GNPTAB: variants seen among roughly 807,000 people sequenced by gnomAD.
GNPTAB encodes N-acetylglucosamine-1-phosphotransferase subunits alpha/beta.
Under a neutral mutation model 136.6 loss-of-function variants are expected in GNPTAB, and 92 were observed. The ratio of observed to expected loss-of-function variants is 0.67; its 90% CI spans 0.57 to 0.80. The LOEUF is 0.80. Among genes scored for constraint, GNPTAB ranks in the 30% least tolerant of loss-of-function variants. The probability of loss-of-function intolerance (pLI) is 0.00; values close to 1 mark genes in which losing one functional copy is unlikely to be tolerated. For synonymous variants in GNPTAB, 512 were observed against 535.1 expected (o/e 0.96, Z 0.60); for missense variants, 1,343 against 1,501.8 (o/e 0.89, Z 1.75).
At chr12:101,807,484 T>C (rs1869986547) in intron 1 of GNPTAB, among the ~76,000 whole-genome samples, 1 of 151,528 alleles carries the variant, frequency 6.6e-6, no homozygotes, top group South Asian at 2.1e-4. Context: ...TTGAGAAGGA[T>C]GAAATAAAAC....
chr12:101,763,565 C>A (rs965182802), intron 13 of GNPTAB, among the ~76,000 whole-genome samples: 1 of 152,150 alleles, frequency 6.6e-6, no homozygotes, highest in Non-Finnish European at 1.5e-5. Flanking sequence ...TCCCTCTGAA[C>A]TTCTTGCCCA....
intron 16 of GNPTAB, among the ~76,000 whole-genome samples, chr12:101,759,143 C>A (rs1196517248): frequency 2.0e-5 from 3 of 152,080 alleles, no homozygotes; most frequent in Non-Finnish European, 4.4e-5. Context: ...GCAGGCGTAT[C>A]ACAAGGTCAG....
At chr12:101,827,495 C>T (rs1053480583) in intron 1 of GNPTAB, among the ~76,000 whole-genome samples, 2 of 152,074 alleles carry the variant, frequency 1.3e-5, no homozygotes, top group African/African-American at 4.8e-5. Flanking sequence ...CTTAGTCTCC[C>T]AAAGTCCTGG....
intron 1 of GNPTAB, among the ~76,000 whole-genome samples, chr12:101,804,410 T>A (rs1335905638): frequency 6.6e-6 from 1 of 152,082 alleles, no homozygotes; most frequent in Non-Finnish European, 1.5e-5. Flanking sequence ...ACTTTCTGAA[T>A]ATATCTATGT....
intron 16 of GNPTAB, among the ~76,000 whole-genome samples, chr12:101,758,876 T>A (rs1952944642): frequency 1.3e-5 from 2 of 152,176 alleles, no homozygotes; most frequent in South Asian, 4.1e-4. Context: ...GAAAGCAAAA[T>A]CTACTCATTG....
intron 1 of GNPTAB, among the ~76,000 whole-genome samples, chr12:101,798,872 A>G (rs1365222308): frequency 6.6e-6 from 1 of 152,228 alleles, no homozygotes; most frequent in African/African-American, 2.4e-5. Flanking sequence ...TGCGAAGAAC[A>G]TCATGGGACT....
chr12:101,806,306 G>C (rs1869930612), intron 1 of GNPTAB, among the ~76,000 whole-genome samples: 1 of 152,036 alleles, frequency 6.6e-6, no homozygotes, highest in Non-Finnish European at 1.5e-5. Context: ...ATAACAACAA[G>C]AAACAAAAAC....
At chr12:101,784,407 G>C (rs1412982895) in intron 5 of GNPTAB, among the ~76,000 whole-genome samples, 5 of 152,158 alleles carry the variant, frequency 3.3e-5, no homozygotes, top group African/African-American at 1.2e-4. Context: ...GGGATCAACT[G>C]ACAAAATCAA....
chr12:101,802,214 A>AG (rs1389163797), intron 1 of GNPTAB, among the ~76,000 whole-genome samples: 1 of 145,340 alleles, frequency 6.9e-6, no homozygotes, highest in African/African-American at 2.8e-5. Context: ...AAAAAAAAAA[A>AG]AAAGAAAAGA....
chr12:101,824,432 A>ATAT (rs1188582277), intron 1 of GNPTAB, among the ~76,000 whole-genome samples: 17 of 50,858 alleles, frequency 3.3e-4, no homozygotes, highest in African/African-American at 4.3e-4. Flanking sequence ...ATATATATAT[A>ATAT]TTTTCTTTTT....
At chr12:101,829,901 C>A (rs756530481) in intron 1 of GNPTAB, among the ~76,000 whole-genome samples, 38 of 150,308 alleles carry the variant, frequency 2.5e-4, no homozygotes, top group African/African-American at 9.1e-4. Flanking sequence ...CCTTCTCTTA[C>A]GGAGCTTACA....
chr12:101,789,020 T>C (rs1868830657), intron 3 of GNPTAB, among the ~76,000 whole-genome samples: 1 of 152,254 alleles, frequency 6.6e-6, no homozygotes, highest in South Asian at 2.1e-4. Context: ...AATTTATTCC[T>C]AAAAGGCATA....
At chr12:101,757,518 G>C in intron 17 of GNPTAB, 54 bp downstream of exon 17, 1 of 938,744 alleles carries the variant, frequency 1.1e-6, no homozygotes, top group Non-Finnish European at 1.8e-6. Flanking sequence ...AAAAAAGCCA[G>C]ACCTTTGTGA....
At chr12:101,767,937 C>T (rs1315856859) in intron 11 of GNPTAB, 100 bp downstream of exon 11, 3 of 1,238,676 alleles carry the variant, frequency 2.4e-6, no homozygotes, top group Non-Finnish European at 3.6e-6. Context: ...TTTATTAATA[C>T]ATAAAGAATG....
chr12:101,753,817 T>C (rs1393370481), intron 18 of GNPTAB, among the ~76,000 whole-genome samples: 1 of 152,210 alleles, frequency 6.6e-6, no homozygotes, highest in Non-Finnish European at 1.5e-5. Flanking sequence ...GTTCAATAAA[T>C]GTAGTTAACT....
chr12:101,748,641 C>T (rs970446382), intron 20 of GNPTAB, among the ~76,000 whole-genome samples: 6 of 152,102 alleles, frequency 3.9e-5, no homozygotes, highest in African/African-American at 1.4e-4. Context: ...GGGAGAACTC[C>T]TAGCGATTGA....
intron 7 of GNPTAB, among the ~76,000 whole-genome samples, chr12:101,777,228 C>T (rs1209976411): frequency 6.6e-6 from 1 of 152,210 alleles, no homozygotes; most frequent in Non-Finnish European, 1.5e-5. Flanking sequence ...GCAACTTTTG[C>T]ATGGGAACGT....
In GNPTAB at chr12:101,753,509, G is replaced by A; in HGVS notation, c.3465C>T (p.Asp1155=). Residue 1155 remains aspartate, a synonymous_variant, in exon 19 of 21, where the codon GAC becomes GAT. Transcript: ENST00000299314. ...CTGTCTGAGCATCTTTATGATTGTG[G>A]TCAATGTTGTCATTCAGGCAAACAA... ...RKFVCLNDNI[D]HNHKDAQTVK... 1 of 1,613,906 alleles carries A rather than the reference G, an allele frequency of 6.2e-7. No individual in the cohort carries two copies. The highest frequency in any genetic ancestry group is 1.3e-5 in the African/African-American group (1 of 75,040).
chr12:101,824,117 G>T (rs938000597), intron 1 of GNPTAB, among the ~76,000 whole-genome samples: 1 of 152,218 alleles, frequency 6.6e-6, no homozygotes, highest in East Asian at 1.9e-4. Context: ...TTCTGGAGAC[G>T]ATCCCAGTGG....
Sources: gnomAD v4.1 joint callset for allele counts (sites outside exome capture counted in the v4.1 genomes callset) on GRCh38, gnomAD v4.1.1 for gene constraint, MANE v1.5 for transcripts, NCBI Gene and HGNC (gene_info 2026-07-23, HGNC 2026-07-21) for gene names.